TMEM108: variants seen among roughly 807,000 people sequenced by gnomAD.
The protein encoded by TMEM108 is cancer/testis antigen 124.
Under a neutral mutation model 35.1 loss-of-function variants are expected in TMEM108, and 12 were observed. The observed-to-expected ratio is 0.34, with a 90% CI of 0.22 to 0.55. TMEM108 has a LOEUF of 0.55. Ranked by LOEUF, TMEM108 falls within the 20% of genes least tolerant of loss-of-function variation. TMEM108 has a pLI of 0.89. For missense variants in TMEM108, 680 were observed against 753.3 expected (o/e 0.90, Z 1.14); for synonymous variants, 287 against 308.6 (o/e 0.93, Z 0.73).
chr3:133,131,847 CT>C (rs1304796934), intron 2 of TMEM108, among the ~76,000 whole-genome samples: 1 of 151,992 alleles, frequency 6.6e-6, no homozygotes, highest in African/African-American at 2.4e-5. Context: ...GCAAAACAGC[CT>C]TACTGCTGAT....
intron 2 of TMEM108, among the ~76,000 whole-genome samples, chr3:133,161,887 C>T: frequency 6.6e-6 from 1 of 152,154 alleles, no homozygotes; most frequent in Non-Finnish European, 1.5e-5. Flanking sequence ...TAAGTGTCTT[C>T]AGGTGCTGTT....
intron 2 of TMEM108, chr3:133,125,068 A>G (rs1944398910): frequency 6.6e-6 from 1 of 152,248 alleles, no homozygotes; most frequent in Non-Finnish European, 1.5e-5. Flanking sequence ...TAACTCAGGG[A>G]GAATTCCAAC....
intron 2 of TMEM108, among the ~76,000 whole-genome samples, chr3:133,157,864 G>C (rs1944902801): frequency 3.3e-5 from 5 of 152,168 alleles, no homozygotes; most frequent in Non-Finnish European, 7.3e-5. Context: ...AGCTCCCCCG[G>C]TTCTGGATAA....
intron 2 of TMEM108, among the ~76,000 whole-genome samples, chr3:133,126,032 T>C (rs28621432): frequency 0.22 from 32,997 of 152,166 alleles, 4,362 homozygotes; most frequent in Non-Finnish European, 0.3. Context: ...GGCAAATTTG[T>C]AAGCCAAATG....
intron 2 of TMEM108, among the ~76,000 whole-genome samples, chr3:133,057,149 G>A (rs1279805024): frequency 6.6e-6 from 1 of 152,136 alleles, no homozygotes; most frequent in Non-Finnish European, 1.5e-5. Flanking sequence ...AGCTACAAGA[G>A]TGTCAGTGTT....
At chr3:133,257,448 C>G (rs558540367) in intron 3 of TMEM108, among the ~76,000 whole-genome samples, 45 of 152,314 alleles carry the variant, frequency 3.0e-4, no homozygotes, top group Non-Finnish European at 5.6e-4. Flanking sequence ...TGTTGCATGG[C>G]TTAAGCTTTG....
chr3:133,281,816 G>A (rs2107689027), intron 3 of TMEM108, among the ~76,000 whole-genome samples: 1 of 152,276 alleles, frequency 6.6e-6, no homozygotes. Flanking sequence ...CTACTAGTAA[G>A]ACTAAATCGG....
intron 2 of TMEM108, among the ~76,000 whole-genome samples, chr3:133,068,065 C>G (rs1943632596): frequency 6.6e-6 from 1 of 151,406 alleles, no homozygotes; most frequent in South Asian, 2.1e-4. Context: ...TAACCAATCC[C>G]TGAGATGTAA....
At chr3:133,322,215 A>G (rs1418200784) in intron 3 of TMEM108, among the ~76,000 whole-genome samples, 3 of 152,118 alleles carry the variant, frequency 2.0e-5, no homozygotes, top group Non-Finnish European at 4.4e-5. Flanking sequence ...CAAAAAAAAT[A>G]CAAAAGATAA....
intron 3 of TMEM108, among the ~76,000 whole-genome samples, chr3:133,238,107 C>G (rs1471536161): frequency 6.9e-6 from 1 of 145,094 alleles, no homozygotes; most frequent in South Asian, 2.2e-4. Flanking sequence ...CCTTTCATAT[C>G]CCTCCTCCCT....
At chr3:133,374,542 T>TTATATATATATA (rs10580755) in intron 3 of TMEM108, among the ~76,000 whole-genome samples, 11 of 145,812 alleles carry the variant, frequency 7.5e-5, no homozygotes, top group African/African-American at 2.5e-4. Context: ...ATAATTTTTG[T>TTATATATATATA]TATATATATA....
chr3:133,129,161 A>C (rs1171834994), intron 2 of TMEM108, among the ~76,000 whole-genome samples: 1 of 152,140 alleles, frequency 6.6e-6, no homozygotes, highest in East Asian at 1.9e-4. Context: ...CCTGGCCAAC[A>C]TGGTGAAACC....
At chr3:133,268,166 G>T (rs1263904961) in intron 3 of TMEM108, among the ~76,000 whole-genome samples, 2 of 152,228 alleles carry the variant, frequency 1.3e-5, no homozygotes, top group Non-Finnish European at 2.9e-5. Flanking sequence ...AGTAAGAAGA[G>T]AATTGATGAT....
At position 133,387,148 on chromosome 3, in the gene TMEM108, T is replaced by C. The variant is rs569284451; in HGVS notation, c.1451-3032T>C. 33 of 985,468 alleles carry C rather than the reference T, an allele frequency of 3.3e-5. No individual in the cohort carries two copies. The African/African-American group carries it at 5.4e-4, about 16-fold the overall frequency. The allele number at this position is 985,468 out of a possible 1,614,324, so 61.0% of individuals were successfully genotyped here. On this transcript the variant is annotated intron_variant, in intron 4 of 5. Transcript: ENST00000321871. ...AGTTTTTCTTTCTAGATCTCTCTTG[T>C]AGAGGATGTTGGGAGAACAAGAAGA... is the stretch of plus-strand genomic sequence containing the variant.
chr3:133,250,960 C>T (rs1036377228), intron 3 of TMEM108, among the ~76,000 whole-genome samples: 4 of 152,032 alleles, frequency 2.6e-5, no homozygotes, highest in African/African-American at 9.7e-5. Context: ...AATTGTATAG[C>T]ATGTTATCAA....
intron 2 of TMEM108, among the ~76,000 whole-genome samples, chr3:133,098,773 C>T (rs1282350985): frequency 6.6e-6 from 1 of 152,204 alleles, no homozygotes; most frequent in Non-Finnish European, 1.5e-5. Context: ...GACTCCAGGT[C>T]TCGCTGATGC....
intron 2 of TMEM108, among the ~76,000 whole-genome samples, chr3:133,085,888 C>G (rs1192425072): frequency 6.6e-6 from 1 of 151,972 alleles, no homozygotes; most frequent in Non-Finnish European, 1.5e-5. Flanking sequence ...AGTATTTCAG[C>G]CTTCAAGAGC....
At chr3:133,233,492 A>G (rs542161319) in intron 3 of TMEM108, among the ~76,000 whole-genome samples, 9 of 152,352 alleles carry the variant, frequency 5.9e-5, no homozygotes, top group South Asian at 2.1e-4. Flanking sequence ...TAGTGCCACA[A>G]TAAACATACG....
rs140252844 is a variant in TMEM108 at position 133,085,315 on chromosome 3, G to A, written c.-47+39295G>A. Among the ~76,000 whole-genome samples the A allele has an allele frequency of 3.9e-3, 597 of 152,218 alleles. 4 individuals are homozygous for A. The highest frequency in any genetic ancestry group is 6.7e-3 in the Non-Finnish European group (459 of 68,004). ...TTATAGTCTCAAAAAACTGATGGATGTCTGAAGGATAATTTCTTTCTCTGC... is the reference window on the plus strand; with the variant it reads ...TTATAGTCTCAAAAAACTGATGGATATCTGAAGGATAATTTCTTTCTCTGC... On this transcript the variant is annotated intron_variant, in intron 2 of 5. Coordinates refer to ENST00000321871, the MANE Select transcript of TMEM108 (RefSeq NM_023943.4).
Sources: gnomAD v4.1 joint callset for allele counts (sites outside exome capture counted in the v4.1 genomes callset) on GRCh38, gnomAD v4.1.1 for gene constraint, MANE v1.5 for transcripts, NCBI Gene and HGNC (gene_info 2026-07-23, HGNC 2026-07-21) for gene names.